The following HACE1 variants were observed in gnomAD, a reference collection of about 807,000 sequenced individuals.
HACE1 encodes HECT domain and ankyrin repeat containing E3 ubiquitin protein ligase 1, also known as E3 ubiquitin-protein ligase HACE1.
A neutral mutation model predicts 118.4 loss-of-function variants in HACE1; 73 were observed. The ratio of observed to expected loss-of-function variants is 0.62; its 90% CI spans 0.51 to 0.75. HACE1 has a LOEUF of 0.75. Among genes scored for constraint, HACE1 ranks in the 30% least tolerant of loss-of-function variants. HACE1 has a pLI of 0.00. For synonymous variants in HACE1, 368 were observed against 374.8 expected, an observed-to-expected ratio of 0.98 and a Z score of 0.21; for missense variants, 749 against 1,102.2, an observed-to-expected ratio of 0.68 and a Z score of 4.54.
Position 104,784,111 on chromosome 6 carries a change from C to G in HACE1, c.1541G>C (p.Arg514Thr), listed in dbSNP as rs1186653499. 1 of 1,596,022 alleles carries G rather than the reference C, an allele frequency of 6.3e-7. No homozygotes were observed. Among genetic ancestry groups the G allele is most frequent in the African/African-American group, 1.3e-5 (1 of 74,670 alleles). ...CTGTGCTTTTATGATATGCATGAATCTTGACATCAACTCAGGACATTCAAG... is the reference window on the plus strand; with the variant it reads ...CTGTGCTTTTATGATATGCATGAATGTTGACATCAACTCAGGACATTCAAG... ...FLLECPELMS[R>T]FMHIIKAQPF... is the part of the protein sequence containing the mutation. Residue 514 changes from arginine to threonine, a missense_variant, in exon 14 of 24, where the codon AGA becomes ACA. Around this residue, in one of 5 missense-constraint regions of HACE1, gnomAD observed 195 missense variants for 322.1 expected, o/e 0.61. Coordinates refer to ENST00000262903, the MANE Select transcript of HACE1 (RefSeq NM_020771.4).
chr6:104,810,562 T>C (rs2114966769), intron 7 of HACE1, among the ~76,000 whole-genome samples: 1 of 152,200 alleles, frequency 6.6e-6, no homozygotes, highest in Non-Finnish European at 1.5e-5. Flanking sequence ...ATACATAATA[T>C]GTAGGTGTGT....
intron 6 of HACE1, 59 bp from the exon 7 acceptor site, chr6:104,811,452 A>G (rs1771616107): frequency 2.4e-6 from 2 of 825,540 alleles, no homozygotes; most frequent in Admixed American, 3.5e-5. Context: ...AGATACAATT[A>G]CCACAATTTT....
chr6:104,797,073 T>G (rs758742710), intron 7 of HACE1, 48 bp from the exon 8 acceptor site: 4 of 1,031,944 alleles, frequency 3.9e-6, no homozygotes, highest in Non-Finnish European at 4.6e-6. Context: ...TTTAAAGTCT[T>G]TCTCTATGAA....
At chr6:104,787,932 T>C (rs1473624705) in intron 11 of HACE1, among the ~76,000 whole-genome samples, 3 of 152,064 alleles carry the variant, frequency 2.0e-5, no homozygotes, top group Non-Finnish European at 4.4e-5. Context: ...TTTACTTTTC[T>C]CTCTTTTCTT....
At chr6:104,811,287 A>T (rs749186637) in intron 7 of HACE1, 24 bp downstream of exon 7, 17 of 702,164 alleles carry the variant, frequency 2.4e-5, no homozygotes, top group South Asian at 2.2e-4. Flanking sequence ...CATATATAGC[A>T]TCTGGAAATA....
At chr6:104,806,502 G>A (rs1771014838) in intron 7 of HACE1, among the ~76,000 whole-genome samples, 1 of 151,986 alleles carries the variant, frequency 6.6e-6, no homozygotes, top group Non-Finnish European at 1.5e-5. Flanking sequence ...TTTTTAAATA[G>A]ATTTAAAAAC....
chr6:104,839,560 A>G (rs1774889368), intron 5 of HACE1, among the ~76,000 whole-genome samples: 1 of 152,238 alleles, frequency 6.6e-6, no homozygotes, highest in African/African-American at 2.4e-5. Flanking sequence ...GCAACATGAC[A>G]TATCTCTGTG....
intron 20 of HACE1, among the ~76,000 whole-genome samples, chr6:104,745,007 G>C (rs1777249369): frequency 6.6e-6 from 1 of 152,032 alleles, no homozygotes; most frequent in Non-Finnish European, 1.5e-5. Context: ...ACATGAAAGT[G>C]ACAACAAAGA....
At chr6:104,774,408 C>T (rs1273129717) in intron 17 of HACE1, among the ~76,000 whole-genome samples, 13 of 135,808 alleles carry the variant, frequency 9.6e-5, no homozygotes, top group African/African-American at 2.8e-4. Context: ...TTTTTTGAGA[C>T]GGAGTCTCGC....
intron 7 of HACE1, among the ~76,000 whole-genome samples, chr6:104,808,325 C>A (rs1771244119): frequency 6.6e-6 from 1 of 152,140 alleles, no homozygotes; most frequent in South Asian, 2.1e-4. Context: ...TAGTGAGCAC[C>A]TATCAACTAC....
intron 19 of HACE1, among the ~76,000 whole-genome samples, chr6:104,763,887 TA>T (rs1196631906): frequency 6.6e-6 from 1 of 151,978 alleles, no homozygotes; most frequent in Non-Finnish European, 1.5e-5. Context: ...TCATTCCTAC[TA>T]AAAATACAAA....
intron 11 of HACE1, among the ~76,000 whole-genome samples, chr6:104,787,572 G>C (rs1782572975): frequency 6.6e-6 from 1 of 152,018 alleles, no homozygotes; most frequent in Non-Finnish European, 1.5e-5. Flanking sequence ...AAAACTGCTT[G>C]AAACAAAAAG....
chr6:104,758,966 T>A (rs1441625481), intron 19 of HACE1, among the ~76,000 whole-genome samples: 1 of 151,574 alleles, frequency 6.6e-6, no homozygotes, highest in Non-Finnish European at 1.5e-5. Flanking sequence ...GGACATTACA[T>A]AATGGTAAAA....
chr6:104,805,593 C>G (rs1770902724), intron 7 of HACE1, among the ~76,000 whole-genome samples: 1 of 152,124 alleles, frequency 6.6e-6, no homozygotes, highest in Non-Finnish European at 1.5e-5. Flanking sequence ...TCTCAGCAAA[C>G]CATCCCAAGG....
At chr6:104,735,708 T>C (rs1281847422) in intron 22 of HACE1, among the ~76,000 whole-genome samples, 1 of 152,052 alleles carries the variant, frequency 6.6e-6, no homozygotes, top group Non-Finnish European at 1.5e-5. Flanking sequence ...CTGACATCAA[T>C]ACCCTTCTAG....
intron 22 of HACE1, among the ~76,000 whole-genome samples, chr6:104,740,352 C>T (rs1776506985): frequency 6.6e-6 from 1 of 150,918 alleles, no homozygotes; most frequent in African/African-American, 2.5e-5. Context: ...ACACAAAAAA[C>T]CCTTCAAAAA....
At chr6:104,764,451 A>T (rs1316093430) in intron 19 of HACE1, among the ~76,000 whole-genome samples, 1 of 152,276 alleles carries the variant, frequency 6.6e-6, no homozygotes, top group East Asian at 1.9e-4. Context: ...AGGAATGAGG[A>T]GTCATTCTGC....
At chr6:104,834,541 G>T (rs1774336996) in intron 5 of HACE1, among the ~76,000 whole-genome samples, 1 of 151,902 alleles carries the variant, frequency 6.6e-6, no homozygotes, top group Non-Finnish European at 1.5e-5. Context: ...TTTTAAAATG[G>T]CAGGTTTAAT....
chr6:104,830,625 C>T lies in HACE1; in HGVS notation c.534+2417G>A, dbSNP rs143843970. On this transcript the variant is annotated intron_variant, in intron 6 of 23. Coordinates refer to ENST00000262903, the MANE Select transcript of HACE1 (RefSeq NM_020771.4). ...GATTCCACTAGGAATTCTCCCTTCTCCCAACAAGAGATAAGACTCAGAAAG... is the reference window on the plus strand; with the variant it reads ...GATTCCACTAGGAATTCTCCCTTCTTCCAACAAGAGATAAGACTCAGAAAG... 8.0e-4 allele frequency among the ~76,000 whole-genome samples: 122 copies of T among 152,216 alleles called. 1 individual carries two copies. Among genetic ancestry groups the T allele is most frequent in the Non-Finnish European group, 1.4e-3 (94 of 68,004 alleles).
Sources: allele counts gnomAD v4.1 joint callset (sites outside exome capture counted in the v4.1 genomes callset), GRCh38; gene constraint gnomAD v4.1.1; regional missense constraint gnomAD v4.1.1; transcripts MANE v1.5; gene names NCBI Gene and HGNC (gene_info 2026-07-23, HGNC 2026-07-21).